Variants in NSD3 observed in about 807,000 individuals in gnomAD.
NSD3 encodes the protein nuclear receptor binding SET domain protein 3.
In NSD3, 24 loss-of-function variants were observed where a neutral mutation model predicts 160.8. That is an observed-to-expected ratio of 0.15 (90% CI 0.11 to 0.21). The LOEUF (loss-of-function observed/expected upper bound fraction) is 0.21, where lower values mean the gene tolerates loss of function less well. Ranked by LOEUF, NSD3 falls within the 10% of genes least tolerant of loss-of-function variation. The pLI is 1.00. For synonymous variants in NSD3, 520 were observed against 600.0 expected (o/e 0.87, Z 1.95); for missense variants, 1,157 against 1,735.9 (o/e 0.67, Z 5.93).
At chr8:38,334,692 G>A (rs1394147590) in intron 4 of NSD3, among the ~76,000 whole-genome samples, 8 of 152,074 alleles carry the variant, frequency 5.3e-5, no homozygotes, top group South Asian at 4.1e-4. Flanking sequence ...CCTGGAAGGC[G>A]GAGGTTGCAG....
rs1162161310 is a variant in NSD3 at position 38,304,686 on chromosome 8, T to C, written c.2512A>G (p.Met838Val). 1.2e-6 allele frequency: 2 copies of C among 1,614,104 alleles called. No homozygotes were observed. Among genetic ancestry groups the C allele is most frequent in the Admixed American group, 3.3e-5 (2 of 60,026 alleles). Residue 838 changes from methionine to valine, a missense_variant, in exon 14 of 24, where the codon ATG (methionine) becomes GTG (valine). By Grantham distance (21) the Met-to-Val change is conservative. This residue lies in a region of NSD3 where 437 missense variants were observed against 576.6 expected (regional missense o/e 0.76). Transcript: ENST00000317025. ...ATGAGAATGTAGGAGGATACTAACA[T>C]GCTTCCGGCCGCAATGCAAGCATCT... ...SGDACIAAGS[M>V]LVSSYILICS...
intron 19 of NSD3, among the ~76,000 whole-genome samples, chr8:38,282,935 A>G (rs1808766342): frequency 1.3e-5 from 2 of 152,216 alleles, no homozygotes; most frequent in Admixed American, 1.3e-4. Context: ...CATTCTGGTG[A>G]AAGTTTTCGT....
intron 14 of NSD3, among the ~76,000 whole-genome samples, chr8:38,302,433 T>C (rs1478754474): frequency 3.9e-5 from 6 of 152,234 alleles, no homozygotes; most frequent in Non-Finnish European, 8.8e-5. Flanking sequence ...GAAGGTTATG[T>C]TTACCATACA....
intron 3 of NSD3, among the ~76,000 whole-genome samples, chr8:38,338,023 C>G (rs1810266062): frequency 6.6e-6 from 1 of 152,132 alleles, no homozygotes; most frequent in Non-Finnish European, 1.5e-5. Context: ...CATGATCGGC[C>G]AGGCGCGGTG....
At chr8:38,291,312 T>C (rs1808992815) in intron 16 of NSD3, among the ~76,000 whole-genome samples, 1 of 152,210 alleles carries the variant, frequency 6.6e-6, no homozygotes, top group African/African-American at 2.4e-5. Flanking sequence ...AGTCACTAAA[T>C]GAAACCATCT....
intron 12 of NSD3, among the ~76,000 whole-genome samples, chr8:38,306,624 A>AAT (rs1447733217): frequency 2.9e-4 from 44 of 152,232 alleles, no homozygotes; most frequent in Non-Finnish European, 2.9e-5. Flanking sequence ...AAACGCACAC[A>AAT]ACATATATAA....
chr8:38,345,960 T>G (rs1398971859), intron 2 of NSD3, among the ~76,000 whole-genome samples: 2 of 151,958 alleles, frequency 1.3e-5, no homozygotes, highest in East Asian at 1.9e-4. Flanking sequence ...TGAGCTATAA[T>G]AGTTAACTGA....
At chr8:38,291,081 T>C (rs1332048972) in intron 16 of NSD3, among the ~76,000 whole-genome samples, 1 of 152,210 alleles carries the variant, frequency 6.6e-6, no homozygotes, top group Non-Finnish European at 1.5e-5. Context: ...AATGGAATCA[T>C]TTTGAGAATA....
At chr8:38,310,186 A>C (rs1177398614) in intron 12 of NSD3, among the ~76,000 whole-genome samples, 1 of 152,154 alleles carries the variant, frequency 6.6e-6, no homozygotes, top group Non-Finnish European at 1.5e-5. Flanking sequence ...CCCATTAAAG[A>C]ACTCCTCATC....
At chr8:38,315,664 T>C in intron 10 of NSD3, 120 bp from the exon 11 acceptor site, 1 of 1,386,388 alleles carries the variant, frequency 7.2e-7, no homozygotes, top group Non-Finnish European at 9.7e-7. Context: ...ACCACCTTTT[T>C]CCTTCCTTTC....
At chr8:38,294,835 A>T (rs1180905686) in intron 16 of NSD3, among the ~76,000 whole-genome samples, 2 of 151,442 alleles carry the variant, frequency 1.3e-5, no homozygotes, top group Non-Finnish European at 2.9e-5. Flanking sequence ...AATTTAAATT[A>T]AAAAAAAATT....
rs1175509580 is a variant in NSD3 at position 38,337,355 on chromosome 8, A to G, written c.860T>C (p.Met287Thr). 6.2e-7 allele frequency: 1 copy of G among 1,612,506 alleles called. No homozygotes were observed. Residue 287 changes from methionine to threonine, a missense_variant, in exon 4 of 24, where the codon ATG becomes ACG. This residue lies in a region of NSD3 where 99 missense variants were observed against 151.8 expected (regional missense o/e 0.65). Coordinates refer to ENST00000317025, the MANE Select transcript of NSD3 (RefSeq NM_023034.2). Reference protein sequence around the residue: ...KVGTYPWWPCMVSSDPQLEVH... With the variant: ...KVGTYPWWPCTVSSDPQLEVH... ...CTCAAGCTGGGGATCACTTGAAACC[A>G]TACAAGGCCACCAAGGATAGGTTCC...
chr8:38,309,695 G>A (rs1809489588), intron 12 of NSD3, among the ~76,000 whole-genome samples: 1 of 152,090 alleles, frequency 6.6e-6, no homozygotes, highest in African/African-American at 2.4e-5. Context: ...GGGAAGTGGG[G>A]AAAAACAGAA....
Position 38,275,590 on chromosome 8 carries a change from A to G in NSD3, c.*51T>C, listed in dbSNP as rs777285126. 2.0e-6 allele frequency: 3 copies of G among 1,533,410 alleles called. No individual in the cohort carries two copies. The allele number at this position is 1,533,410 out of a possible 1,614,324, so 95.0% of individuals were successfully genotyped here. On this transcript the variant is annotated 3_prime_UTR_variant, in exon 24 of 24. Transcript: ENST00000317025. Reference sequence around the variant, plus strand: ...GTAGCAGTCTCTTCTTTTTAAATGCATGATCTATTTGCTTTTTTCACTTAA... The same window carrying G: ...GTAGCAGTCTCTTCTTTTTAAATGCGTGATCTATTTGCTTTTTTCACTTAA...
chr8:38,331,359 A>T (rs1810057603), intron 5 of NSD3, 72 bp downstream of exon 5: 4 of 1,413,472 alleles, frequency 2.8e-6, no homozygotes. Flanking sequence ...GAATTCAAGT[A>T]TGAAAAATTC....
At chr8:38,310,981 T>C (rs1366632227) in intron 12 of NSD3, among the ~76,000 whole-genome samples, 1 of 151,996 alleles carries the variant, frequency 6.6e-6, no homozygotes, top group Non-Finnish European at 1.5e-5. Flanking sequence ...TAAGCCAACA[T>C]GTTGTTTTCT....
intron 7 of NSD3, among the ~76,000 whole-genome samples, chr8:38,323,501 T>C (rs1019915161): frequency 3.3e-5 from 5 of 152,032 alleles, no homozygotes; most frequent in African/African-American, 1.2e-4. Flanking sequence ...GATTAAATCT[T>C]ACAATGAAAA....
intron 22 of NSD3, among the ~76,000 whole-genome samples, chr8:38,277,567 A>G (rs1808631139): frequency 6.6e-6 from 1 of 152,260 alleles, no homozygotes; most frequent in Middle Eastern, 3.4e-3. Context: ...GTGAGCCACC[A>G]CGCCCAGCCA....
intron 17 of NSD3, among the ~76,000 whole-genome samples, chr8:38,290,068 T>G (rs1808965355): frequency 6.6e-6 from 1 of 151,720 alleles, no homozygotes; most frequent in East Asian, 1.9e-4. Context: ...GTACAAAAAT[T>G]AGCTGGGCAT....
Sources: allele counts gnomAD v4.1 joint callset (sites outside exome capture counted in the v4.1 genomes callset), GRCh38; gene constraint gnomAD v4.1.1; regional missense constraint gnomAD v4.1.1; transcripts MANE v1.5; gene names NCBI Gene and HGNC (gene_info 2026-07-23, HGNC 2026-07-21).